The following STXBP5L variants were observed in gnomAD, a reference collection of about 807,000 sequenced individuals.
STXBP5L encodes the protein syntaxin-binding protein 5-like.
Under a neutral mutation model 144.5 loss-of-function variants are expected in STXBP5L, and 65 were observed. That is an observed-to-expected ratio of 0.45 (90% CI 0.37 to 0.55). The LOEUF is 0.55. Ranked by LOEUF, STXBP5L falls within the 20% of genes least tolerant of loss-of-function variation. The probability of loss-of-function intolerance (pLI) is 0.00; values close to 1 mark genes in which losing one functional copy is unlikely to be tolerated. For missense variants in STXBP5L, 1,298 were observed against 1,405.5 expected (o/e 0.92, Z 1.22); for synonymous variants, 505 against 469.6 (o/e 1.08, Z -0.97).
intron 22 of STXBP5L, among the ~76,000 whole-genome samples, chr3:121,400,336 C>A (rs973305894): frequency 6.6e-6 from 1 of 152,144 alleles, no homozygotes; most frequent in African/African-American, 2.4e-5. Flanking sequence ...CAGGCACATG[C>A]CTGGTGACAT....
At chr3:120,947,858 C>A (rs887211679) in intron 2 of STXBP5L, among the ~76,000 whole-genome samples, 1 of 151,722 alleles carries the variant, frequency 6.6e-6, no homozygotes, top group African/African-American at 2.4e-5. Flanking sequence ...ATTCATCAGT[C>A]GATGGACATT....
chr3:121,022,259 C>G (rs910784642), intron 3 of STXBP5L, among the ~76,000 whole-genome samples: 7 of 152,038 alleles, frequency 4.6e-5, no homozygotes, highest in Admixed American at 4.6e-4. Flanking sequence ...TAGTAACAAG[C>G]AGCAAGATTG....
chr3:120,984,060 G>A lies in STXBP5L; in HGVS notation c.287+29023G>A, dbSNP rs949519737. Among the ~76,000 whole-genome samples, 3 of 152,168 alleles carry A rather than the reference G, an allele frequency of 2.0e-5. No individual in the cohort carries two copies. In the South Asian group the frequency reaches 6.2e-4, roughly 32 times the overall value. ...CTGCTCTTTGTTCCTAGTTCACCCC[G>A]GATGATTCAGCCACTCCACTCTCAG... is the stretch of plus-strand genomic sequence containing the variant. On this transcript the variant is annotated intron_variant, in intron 3 of 26. Coordinates refer to ENST00000471454, the MANE Select transcript of STXBP5L (RefSeq NM_001308330.2).
At chr3:121,197,155 T>G (rs1421399715) in intron 9 of STXBP5L, among the ~76,000 whole-genome samples, 1 of 152,222 alleles carries the variant, frequency 6.6e-6, no homozygotes, top group Non-Finnish European at 1.5e-5. Context: ...CAGTCAGATG[T>G]TAGTATAGCC....
chr3:121,010,927 A>G (rs1195454202), intron 3 of STXBP5L, among the ~76,000 whole-genome samples: 5 of 151,562 alleles, frequency 3.3e-5, no homozygotes. Context: ...TAAAAAATTC[A>G]TGTTTAAGTG....
intron 8 of STXBP5L, among the ~76,000 whole-genome samples, chr3:121,157,284 G>A (rs897954324): frequency 7.2e-5 from 11 of 152,094 alleles, no homozygotes; most frequent in African/African-American, 2.7e-4. Context: ...CCTTCAGATG[G>A]TAGCTCTTAC....
chr3:121,343,237 A>G (rs1224781282), intron 20 of STXBP5L, among the ~76,000 whole-genome samples: 3 of 151,754 alleles, frequency 2.0e-5, no homozygotes, highest in Non-Finnish European at 4.4e-5. Flanking sequence ...TAGATTCTGG[A>G]TATTAGCCCT....
chr3:121,004,459 A>G (rs12635363), intron 3 of STXBP5L, among the ~76,000 whole-genome samples: 14,658 of 151,236 alleles, frequency 0.097, 1,120 homozygotes, highest in Admixed American at 0.2. Flanking sequence ...GGCTGAGACA[A>G]TGGGGTTTTC....
intron 3 of STXBP5L, among the ~76,000 whole-genome samples, chr3:120,991,610 A>G (rs1230968299): frequency 6.6e-6 from 1 of 152,260 alleles, no homozygotes; most frequent in African/African-American, 2.4e-5. Flanking sequence ...GACTGGATTA[A>G]GAAAATGTGG....
At chr3:121,386,422 C>T (rs531761694) in intron 22 of STXBP5L, among the ~76,000 whole-genome samples, 71 of 152,218 alleles carry the variant, frequency 4.7e-4, no homozygotes, top group Admixed American at 1.5e-3. Context: ...TTTTATTATA[C>T]TTTAAGTTCT....
intron 20 of STXBP5L, among the ~76,000 whole-genome samples, chr3:121,344,370 A>G (rs1383142578): frequency 1.3e-5 from 2 of 152,144 alleles, no homozygotes; most frequent in African/African-American, 4.8e-5. Context: ...CACCAAAAGC[A>G]ATGGCAACAA....
intron 5 of STXBP5L, among the ~76,000 whole-genome samples, chr3:121,058,852 T>C (rs1033596478): frequency 1.3e-5 from 2 of 152,182 alleles, no homozygotes; most frequent in Admixed American, 1.3e-4. Context: ...GTTTAAGTTC[T>C]TTGTAGATTC....
intron 21 of STXBP5L, among the ~76,000 whole-genome samples, chr3:121,379,736 G>A (rs1173078796): frequency 6.6e-6 from 1 of 152,058 alleles, no homozygotes; most frequent in Non-Finnish European, 1.5e-5. Flanking sequence ...AACTTTGTAT[G>A]GTGATGAACC....
At chr3:121,005,494 C>A (rs9821483) in intron 3 of STXBP5L, among the ~76,000 whole-genome samples, 15,092 of 151,968 alleles carry the variant, frequency 0.099, 1,179 homozygotes, top group Admixed American at 0.2. Context: ...GATCTTTTCA[C>A]AAAACCAGCT....
intron 20 of STXBP5L, among the ~76,000 whole-genome samples, chr3:121,353,969 A>C (rs1191039335): frequency 6.6e-6 from 1 of 152,192 alleles, no homozygotes; most frequent in Admixed American, 6.5e-5. Flanking sequence ...CAAGTTGTTC[A>C]GTTTCCAAAT....
At chr3:120,969,505 T>C (rs1473422301) in intron 3 of STXBP5L, among the ~76,000 whole-genome samples, 2 of 151,918 alleles carry the variant, frequency 1.3e-5, no homozygotes, top group East Asian at 3.9e-4. Flanking sequence ...CTGTGGGTTG[T>C]CTGTTTGCTG....
intron 20 of STXBP5L, among the ~76,000 whole-genome samples, chr3:121,324,882 A>G (rs2044092205): frequency 6.6e-6 from 1 of 152,050 alleles, no homozygotes; most frequent in African/African-American, 2.4e-5. Flanking sequence ...CTAAGAAAGT[A>G]AGGGGGTCGC....
chr3:121,325,811 A>G (rs554137084), intron 20 of STXBP5L, among the ~76,000 whole-genome samples: 2 of 152,050 alleles, frequency 1.3e-5, no homozygotes, highest in African/African-American at 2.4e-5. Flanking sequence ...TAATCCTTAC[A>G]TCTATGTAAT....
chr3:121,105,620 T>C (rs2043664861), intron 5 of STXBP5L, among the ~76,000 whole-genome samples: 1 of 152,114 alleles, frequency 6.6e-6, no homozygotes, highest in Admixed American at 6.6e-5. Context: ...TGTAAACTAC[T>C]ACAACCACTC....
Sources: gnomAD v4.1 joint callset for allele counts (sites outside exome capture counted in the v4.1 genomes callset) on GRCh38, gnomAD v4.1.1 for gene constraint, MANE v1.5 for transcripts, NCBI Gene and HGNC (gene_info 2026-07-23, HGNC 2026-07-21) for gene names.